Variants in ABLIM3 observed in about 807,000 individuals in gnomAD.
ABLIM3 encodes actin binding LIM protein family member 3.
A neutral mutation model predicts 109.5 loss-of-function variants in ABLIM3; 61 were observed. The observed-to-expected ratio is 0.56, with a 90% CI of 0.45 to 0.69. ABLIM3 has a LOEUF of 0.69. Among genes scored for constraint, ABLIM3 ranks in the 30% least tolerant of loss-of-function variants. The pLI is 0.00. For synonymous variants in ABLIM3, 300 were observed against 324.8 expected, an observed-to-expected ratio of 0.92 and a Z score of 0.82; for missense variants, 796 against 889.5, an observed-to-expected ratio of 0.89 and a Z score of 1.34.
chr5:149,142,153 G>A (rs201667701), intron 2 of ABLIM3, 45 bp downstream of exon 2: 858 of 1,590,828 alleles, frequency 5.4e-4, no homozygotes, highest in Non-Finnish European at 6.4e-4. Context: ...AGGGGTGGGG[G>A]CGGGAGGTGA....
In ABLIM3 at chr5:149,155,890, G is replaced by A. The variant is rs533195641; in HGVS notation, c.13+13782G>A. Among the ~76,000 whole-genome samples the A allele has an allele frequency of 2.0e-5, 3 of 152,318 alleles. No homozygotes were observed. The East Asian group carries it at 5.8e-4, about 29-fold the overall frequency. Reference sequence around the variant, plus strand: ...GTATTTGTTACAATCTACAGCCAATGAGGAGTCAGGAGAGGTTTGGAGCCC... The same window carrying A: ...GTATTTGTTACAATCTACAGCCAATAAGGAGTCAGGAGAGGTTTGGAGCCC... On this transcript the variant is annotated intron_variant, in intron 2 of 23. Coordinates refer to ENST00000309868, the MANE Select transcript of ABLIM3 (RefSeq NM_014945.5).
intron 3 of ABLIM3, among the ~76,000 whole-genome samples, chr5:149,192,779 C>G (rs1418993211): frequency 6.6e-6 from 1 of 150,788 alleles, no homozygotes; most frequent in Admixed American, 6.6e-5. Context: ...AACACCACCC[C>G]CCAAATCATA....
chr5:149,247,505 C>T (rs1753495619), intron 17 of ABLIM3: 1 of 599,512 alleles, frequency 1.7e-6, no homozygotes, highest in Non-Finnish European at 3.1e-6. Context: ...ATTGTTGAAT[C>T]AATCACTGTG....
intron 16 of ABLIM3, among the ~76,000 whole-genome samples, chr5:149,245,343 A>G (rs148198583): frequency 6.6e-6 from 1 of 152,322 alleles, no homozygotes; most frequent in African/African-American, 2.4e-5. Flanking sequence ...AAGTTTCTCA[A>G]TGCAGCCACT....
intron 18 of ABLIM3, 116 bp from the exon 19 acceptor site, chr5:149,249,699 T>C (rs1581242989): frequency 3.1e-6 from 4 of 1,288,032 alleles, no homozygotes; most frequent in Non-Finnish European, 4.5e-6. Flanking sequence ...AGGCCCCTTT[T>C]CCCAGCCAGC....
At chr5:149,168,215 A>G (rs1561546359) in intron 2 of ABLIM3, among the ~76,000 whole-genome samples, 1 of 152,204 alleles carries the variant, frequency 6.6e-6, no homozygotes. Flanking sequence ...CCCAGGTGAA[A>G]GATGCCTGTT....
In ABLIM3 at chr5:149,259,453, G is replaced by C; in HGVS notation, c.*1049G>C. 1 of 1,532,392 alleles carries C rather than the reference G, an allele frequency of 6.5e-7. No homozygotes were observed. Among genetic ancestry groups the C allele is most frequent in the South Asian group, 1.2e-5 (1 of 83,836 alleles). 94.9% of individuals were successfully genotyped at this position (1,532,392 alleles called of 1,614,324 possible). A position where few individuals can be genotyped will look rare whatever the true frequency, so the allele number is the denominator to read the frequency against. On this transcript the variant is annotated 3_prime_UTR_variant, in exon 24 of 24. Coordinates refer to ENST00000309868, the MANE Select transcript of ABLIM3 (RefSeq NM_014945.5). ...GGCCGTGTCTCAAAGAAAGGTTCTT[G>C]GTCTATGCCTCTGGTCTGTGGGCTG...
chr5:149,242,652 T>G, intron 15 of ABLIM3, 114 bp downstream of exon 15: 1 of 1,144,036 alleles, frequency 8.7e-7, no homozygotes. Flanking sequence ...GGCTGCATCT[T>G]GGTCCTTCTT....
At chr5:149,220,219 C>G (rs1392859187) in intron 8 of ABLIM3, 1 of 152,230 alleles carries the variant, frequency 6.6e-6, no homozygotes, top group South Asian at 2.1e-4. Flanking sequence ...AGGCCCTGCC[C>G]TCATGGAGCT....
At chr5:149,195,577 G>A (rs1429497895) in intron 3 of ABLIM3, among the ~76,000 whole-genome samples, 1 of 152,138 alleles carries the variant, frequency 6.6e-6, no homozygotes, top group Non-Finnish European at 1.5e-5. Context: ...TTCTCCACTG[G>A]GAGAGGTGGC....
In ABLIM3 at chr5:149,252,788, C is replaced by A. The variant is rs1201032776; in HGVS notation, c.1889C>A (p.Thr630Lys). Residue 630 changes from threonine (T) to lysine (K), a missense_variant, in exon 23 of 24, where the codon ACA becomes AAA. Coordinates refer to ENST00000309868, the MANE Select transcript of ABLIM3 (RefSeq NM_014945.5). Reference protein sequence around the residue: ...IYPYELLLVTTRGRNRLPKDV... With the variant: ...IYPYELLLVTKRGRNRLPKDV... ...CCTTATGAACTGCTGCTGGTGACTA[C>A]AAGAGGAAGAAACCGACTGCCCAAG... 1 of 1,613,292 alleles carries A rather than the reference C, an allele frequency of 6.2e-7. No homozygotes were observed. Among genetic ancestry groups the A allele is most frequent in the East Asian group, 2.2e-5 (1 of 44,862 alleles).
At chr5:149,182,675 T>A (rs1756568510) in intron 2 of ABLIM3, among the ~76,000 whole-genome samples, 1 of 152,210 alleles carries the variant, frequency 6.6e-6, no homozygotes, top group Admixed American at 6.5e-5. Flanking sequence ...AAATTGGAGA[T>A]GGTCTTAGCA....
At chr5:149,199,390 A>G (rs1472333565) in intron 4 of ABLIM3, among the ~76,000 whole-genome samples, 1 of 152,224 alleles carries the variant, frequency 6.6e-6, no homozygotes, top group Non-Finnish European at 1.5e-5. Flanking sequence ...AGTGTGTAAG[A>G]AAACATAATC....
At chr5:149,235,730 C>T (rs1275423058) in intron 10 of ABLIM3, among the ~76,000 whole-genome samples, 3 of 152,120 alleles carry the variant, frequency 2.0e-5, no homozygotes, top group Admixed American at 1.3e-4. Flanking sequence ...TTTTTTTACC[C>T]ACACACCCCC....
intron 23 of ABLIM3, among the ~76,000 whole-genome samples, chr5:149,256,930 C>T (rs1181696530): frequency 6.6e-6 from 1 of 152,106 alleles, no homozygotes; most frequent in Non-Finnish European, 1.5e-5. Context: ...GACTTCGGTC[C>T]CAGCTCTACT....
At chr5:149,254,186 T>C (rs1159147027) in intron 23 of ABLIM3, among the ~76,000 whole-genome samples, 1 of 152,076 alleles carries the variant, frequency 6.6e-6, no homozygotes, top group Non-Finnish European at 1.5e-5. Flanking sequence ...CCAAGACATA[T>C]CAATGCCCTT....
At chr5:149,191,809 A>C (rs961777933) in intron 3 of ABLIM3, among the ~76,000 whole-genome samples, 1 of 152,202 alleles carries the variant, frequency 6.6e-6, no homozygotes, top group Non-Finnish European at 1.5e-5. Context: ...ATTTTAATAG[A>C]GTAGAAAAGG....
At chr5:149,155,155 C>A (rs1166289744) in intron 2 of ABLIM3, among the ~76,000 whole-genome samples, 1 of 152,156 alleles carries the variant, frequency 6.6e-6, no homozygotes, top group Non-Finnish European at 1.5e-5. Flanking sequence ...GTTGGTCTGA[C>A]CCTGAGGCCT....
chr5:149,147,089 C>T (rs947781800), intron 2 of ABLIM3, among the ~76,000 whole-genome samples: 9 of 151,608 alleles, frequency 5.9e-5, no homozygotes, highest in Admixed American at 2.0e-4. Flanking sequence ...CTCTCTCTCT[C>T]GCTCGCTTGC....
Sources: allele counts gnomAD v4.1 joint callset (sites outside exome capture counted in the v4.1 genomes callset), GRCh38; gene constraint gnomAD v4.1.1; transcripts MANE v1.5; gene names NCBI Gene and HGNC (gene_info 2026-07-23, HGNC 2026-07-21).